The following TASP1 variants were observed in gnomAD, a reference collection of about 807,000 sequenced individuals.
The protein encoded by TASP1 is taspase 1.
In TASP1, 16 loss-of-function variants were observed where a neutral mutation model predicts 56.6. The ratio of observed to expected loss-of-function variants is 0.28; its 90% CI spans 0.19 to 0.43. TASP1 has a LOEUF of 0.43. Among genes scored for constraint, TASP1 ranks in the 20% least tolerant of loss-of-function variants. The pLI is 1.00. For synonymous variants in TASP1, 179 were observed against 184.2 expected (o/e 0.97, Z 0.23); for missense variants, 393 against 511.6 (o/e 0.77, Z 2.24).
chr20:13,226,483 A>G, the TASP1 span, among the ~76,000 whole-genome samples: 3 of 152,134 alleles, frequency 2.0e-5, no homozygotes, highest in Non-Finnish European at 2.9e-5. Flanking sequence ...CCTAAAATTT[A>G]GTGGCTTAAC....
the TASP1 span, among the ~76,000 whole-genome samples, chr20:13,310,570 G>A: frequency 5.5e-4 from 84 of 152,232 alleles, no homozygotes; most frequent in Non-Finnish European, 4.1e-4. Context: ...ATAGGCAAAC[G>A]GGTTTGCATC....
At chr20:13,536,928 A>G (rs2045440566) in intron 8 of TASP1, among the ~76,000 whole-genome samples, 1 of 152,172 alleles carries the variant, frequency 6.6e-6, no homozygotes, top group South Asian at 2.1e-4. Flanking sequence ...AAGCTAATTA[A>G]CATATACATT....
At chr20:13,576,346 A>G (rs1030035556) in intron 6 of TASP1, among the ~76,000 whole-genome samples, 19 of 63,286 alleles carry the variant, frequency 3.0e-4, no homozygotes, top group African/African-American at 1.3e-3. Context: ...AGAAAGGAAG[A>G]AAGAAAGAAA....
At chr20:13,609,248 C>T (rs932310274) in intron 4 of TASP1, among the ~76,000 whole-genome samples, 2 of 152,128 alleles carry the variant, frequency 1.3e-5, no homozygotes, top group African/African-American at 4.8e-5. Flanking sequence ...GATTTTACTT[C>T]ACATCCACAA....
At chr20:13,207,807 A>T in the TASP1 span, among the ~76,000 whole-genome samples, 1 of 152,338 alleles carries the variant, frequency 6.6e-6, no homozygotes, top group African/African-American at 2.4e-5. Context: ...TGAATGTTTA[A>T]TCTGGGCACC....
At chr20:13,458,348 CGTTT>C (rs935206297) in intron 11 of TASP1, among the ~76,000 whole-genome samples, 18 of 152,002 alleles carry the variant, frequency 1.2e-4, no homozygotes, top group East Asian at 3.9e-4. Context: ...TTGTTGTTTT[CGTTT>C]GTTTGTTTGT....
the TASP1 span, among the ~76,000 whole-genome samples, chr20:13,377,848 A>G: frequency 6.6e-6 from 1 of 152,184 alleles, no homozygotes; most frequent in African/African-American, 2.4e-5. Context: ...TAGATTTGCT[A>G]GTTTATTTGC....
intron 11 of TASP1, among the ~76,000 whole-genome samples, chr20:13,466,973 ACTTC>A (rs1416429989): frequency 6.6e-6 from 1 of 152,092 alleles, no homozygotes; most frequent in African/African-American, 2.4e-5. Context: ...CACAAAAATG[ACTTC>A]AAAAGAAAAC....
intron 11 of TASP1, among the ~76,000 whole-genome samples, chr20:13,462,043 G>T (rs1310968715): frequency 6.6e-6 from 1 of 152,204 alleles, no homozygotes; most frequent in African/African-American, 2.4e-5. Flanking sequence ...AAGGAGGCAG[G>T]ACCATCAGAG....
chr20:13,249,803 T>G, the TASP1 span, among the ~76,000 whole-genome samples: 1 of 124,384 alleles, frequency 8.0e-6, no homozygotes, highest in African/African-American at 3.2e-5. Flanking sequence ...TTGTTTTGTT[T>G]TGTTTTGTTT....
intron 10 of TASP1, 44 bp from the exon 11 acceptor site, chr20:13,483,381 A>G (rs778967372): frequency 7.2e-7 from 1 of 1,390,328 alleles, no homozygotes; most frequent in Non-Finnish European, 9.8e-7. Flanking sequence ...AGCAGCACCG[A>G]ACACCCTGCT....
intron 1 of TASP1, among the ~76,000 whole-genome samples, chr20:13,636,844 A>G (rs2049329340): frequency 1.3e-5 from 2 of 152,114 alleles, no homozygotes; most frequent in African/African-American, 4.8e-5. Context: ...CTGAACTCCT[A>G]CCTCACATCA....
At chr20:13,488,716 A>G (rs936058946) in intron 10 of TASP1, among the ~76,000 whole-genome samples, 1 of 152,160 alleles carries the variant, frequency 6.6e-6, no homozygotes, top group Non-Finnish European at 1.5e-5. Context: ...TTCAGCAGTA[A>G]CGTGAACTCC....
At chr20:13,271,559 CTG>C in the TASP1 span, among the ~76,000 whole-genome samples, 8 of 152,224 alleles carry the variant, frequency 5.3e-5, no homozygotes, top group South Asian at 2.1e-4. Flanking sequence ...CAGGAAGTTA[CTG>C]TTTGGTTTAC....
At chr20:13,510,102 A>G (rs1480730277) in intron 10 of TASP1, among the ~76,000 whole-genome samples, 3 of 152,172 alleles carry the variant, frequency 2.0e-5, no homozygotes, top group Non-Finnish European at 4.4e-5. Flanking sequence ...AATAAAGATT[A>G]TATTGGTTAC....
chr20:13,403,762 G>C (rs1485013817), intron 13 of TASP1, among the ~76,000 whole-genome samples: 1 of 152,096 alleles, frequency 6.6e-6, no homozygotes, highest in Non-Finnish European at 1.5e-5. Context: ...TGCCCCTGCA[G>C]TCCTAGTTAC....
chr20:13,548,104 T>C (rs1008482746), intron 8 of TASP1, among the ~76,000 whole-genome samples: 14 of 152,070 alleles, frequency 9.2e-5, no homozygotes, highest in African/African-American at 3.4e-4. Context: ...GGCAAAAGAT[T>C]GGAAAGACAG....
chr20:13,436,478 G>A (rs2043008070), intron 11 of TASP1, among the ~76,000 whole-genome samples: 1 of 151,960 alleles, frequency 6.6e-6, no homozygotes, highest in Non-Finnish European at 1.5e-5. Flanking sequence ...TCCTGATCTA[G>A]AACAGGAGAT....
intron 8 of TASP1, among the ~76,000 whole-genome samples, chr20:13,554,094 GA>G (rs1156816017): frequency 1.3e-5 from 2 of 152,100 alleles, no homozygotes; most frequent in Non-Finnish European, 2.9e-5. Context: ...CTCTCACTTT[GA>G]ATGCAGATGT....
Sources: gnomAD v4.1 joint callset for allele counts (sites outside exome capture counted in the v4.1 genomes callset) on GRCh38, gnomAD v4.1.1 for gene constraint, MANE v1.5 for transcripts, NCBI Gene and HGNC (gene_info 2026-07-23, HGNC 2026-07-21) for gene names.